MROH1: variants seen among roughly 807,000 people sequenced by gnomAD.
MROH1 encodes the protein maestro heat like repeat family member 1.
In MROH1, 117 loss-of-function variants were observed where a neutral mutation model predicts 116.5. That is an observed-to-expected ratio of 1.00 (90% CI 0.86 to 1.17). The LOEUF (loss-of-function observed/expected upper bound fraction) is 1.17, where lower values mean the gene tolerates loss of function less well. Ranked by LOEUF, MROH1 falls within the 50% of genes most tolerant of loss-of-function variation. The pLI is 0.00. For synonymous variants in MROH1, 921 were observed against 583.9 expected (o/e 1.58, Z -8.32); for missense variants, 1,873 against 1,338.5 (o/e 1.40, Z -6.23).
chr8:144,159,993 TCTC>T lies in MROH1; in HGVS notation c.-176-974_-176-972del, dbSNP rs1819123013. Among the ~76,000 whole-genome samples the T allele has an allele frequency of 4.6e-5, 7 of 152,220 alleles. No individual in the cohort carries two copies. The South Asian group carries it at 1.5e-3, about 32-fold the overall frequency. The stretch of plus-strand genomic sequence containing the variant: ...ACCGTGTTAGCCAGGATGGTCTTGA[TCTC>T]CTGAGCTCATGATCCACCCGCCTCG... On this transcript the variant is annotated intron_variant, in intron 1 of 43. Transcript: ENST00000326134.
chr8:144,250,247 T>G lies in MROH1; in HGVS notation c.3309T>G (p.Leu1103=). ...TCGTGAGCGTCCTGCGCTCCAAGCTTCAGGAGGCCCAGGGAGAGCACGTCC... is the reference window on the plus strand; with the variant it reads ...TCGTGAGCGTCCTGCGCTCCAAGCTGCAGGAGGCCCAGGGAGAGCACGTCC... ...PEIVSVLRSK[L]QEAQGEHVLP... is the part of the protein sequence containing the mutation. Residue 1103 remains leucine, a synonymous_variant, in exon 33 of 44, where the codon CTT becomes CTG. Coordinates refer to ENST00000326134, the MANE Select transcript of MROH1 (RefSeq NM_032450.3). 1.3e-6 allele frequency: 1 copy of G among 768,424 alleles called. No homozygotes were observed. The highest frequency in any genetic ancestry group is 1.7e-5 in the Admixed American group (1 of 58,700). 47.6% of individuals were successfully genotyped at this position (768,424 alleles called of 1,614,324 possible).
chr8:144,187,415 A>G (rs1453508470), intron 7 of MROH1, among the ~76,000 whole-genome samples: 2 of 152,192 alleles, frequency 1.3e-5, no homozygotes, highest in African/African-American at 2.4e-5. Flanking sequence ...GTCTTAAAAA[A>G]AAGAAAAAAA....
chr8:144,247,443 C>T lies in MROH1; in HGVS notation c.3007+7C>T, dbSNP rs1305905511. ...CTCCAGCTCGGCTATGAGGGTGAGC[C>T]CTCGTCAGGAGTGTGGGGGCCAGTG... On this transcript the variant is annotated splice_region_variant and intron_variant, in intron 30 of 43. Transcript: ENST00000326134. 18 of 769,798 alleles carry T rather than the reference C, an allele frequency of 2.3e-5. No homozygotes were observed. Among genetic ancestry groups the T allele is most frequent in the South Asian group, 1.8e-4 (13 of 72,342 alleles). The allele number at this position is 769,798 out of a possible 1,614,324, so 47.7% of individuals were successfully genotyped here.
chr8:144,174,735 G>T (rs924117095), intron 4 of MROH1: 1 of 587,428 alleles, frequency 1.7e-6, no homozygotes. Flanking sequence ...CTCCCACCTT[G>T]GCCTCCCAAA....
At chr8:144,242,760 A>G (rs1357982720) in intron 24 of MROH1, 132 bp downstream of exon 24, 1 of 686,064 alleles carries the variant, frequency 1.5e-6, no homozygotes, top group African/African-American at 1.8e-5. Flanking sequence ...CTCCGTCCCC[A>G]GGAGGCGTTC....
At chr8:144,151,361 T>G (rs1250709746) in intron 1 of MROH1, among the ~76,000 whole-genome samples, 2 of 146,590 alleles carry the variant, frequency 1.4e-5, no homozygotes, top group African/African-American at 5.1e-5. Flanking sequence ...CAACTGGACC[T>G]CGAGGGGAAC....
chr8:144,260,580 G>A (rs994930462), intron 39 of MROH1, 97 bp from the exon 40 acceptor site: 9 of 763,532 alleles, frequency 1.2e-5, no homozygotes, highest in Admixed American at 3.4e-5. Context: ...TTCCTGGCCC[G>A]GGTCAGGCAA....
chr8:144,239,427 C>A (rs1049829712), intron 17 of MROH1, 64 bp downstream of exon 17: 3 of 779,958 alleles, frequency 3.8e-6, no homozygotes, highest in Non-Finnish European at 7.2e-6. Context: ...TCCACCCAGG[C>A]TTGGAAGGGG....
chr8:144,258,479 A>G (rs1435005998), intron 35 of MROH1, among the ~76,000 whole-genome samples: 2 of 152,134 alleles, frequency 1.3e-5, no homozygotes, highest in African/African-American at 4.8e-5. Context: ...CCGGAAAGGA[A>G]GGCCGGTGCA....
chr8:144,261,499 T>C (rs1052333874), intron 43 of MROH1, 150 bp downstream of exon 43: 20 of 691,172 alleles, frequency 2.9e-5, no homozygotes, highest in African/African-American at 2.8e-4. Flanking sequence ...TTCTTAACTG[T>C]TCCAAAAGAG....
chr8:144,185,038 G>A (rs1184182973), intron 7 of MROH1, among the ~76,000 whole-genome samples: 1 of 152,252 alleles, frequency 6.6e-6, no homozygotes, highest in East Asian at 1.9e-4. Context: ...GAGCTGAGGA[G>A]GAGGGGGAGG....
chr8:144,215,152 C>A (rs921280590), intron 12 of MROH1, among the ~76,000 whole-genome samples: 2 of 152,336 alleles, frequency 1.3e-5, no homozygotes, highest in Admixed American at 6.5e-5. Context: ...TACTTTGCAT[C>A]CTTCACTCTA....
chr8:144,157,549 T>G (rs1039758799), intron 1 of MROH1, among the ~76,000 whole-genome samples: 34 of 152,080 alleles, frequency 2.2e-4, no homozygotes, highest in Non-Finnish European at 4.7e-4. Flanking sequence ...ATGGGAAGGT[T>G]TTTTACTATG....
At chr8:144,241,906 T>C (rs1037107026) in intron 22 of MROH1, among the ~76,000 whole-genome samples, 2 of 152,224 alleles carry the variant, frequency 1.3e-5, no homozygotes, top group South Asian at 4.1e-4. Flanking sequence ...CCAACCCGGC[T>C]GTGGTCCCTC....
chr8:144,211,683 G>A (rs1399501019), intron 12 of MROH1, among the ~76,000 whole-genome samples: 6 of 150,414 alleles, frequency 4.0e-5, no homozygotes, highest in African/African-American at 7.3e-5. Flanking sequence ...CCAAGATTGC[G>A]ACACTGCACT....
intron 14 of MROH1, among the ~76,000 whole-genome samples, chr8:144,228,710 C>G (rs1838269375): frequency 6.6e-6 from 1 of 152,228 alleles, no homozygotes; most frequent in Non-Finnish European, 1.5e-5. Context: ...GATCCACCCG[C>G]CTCGGCCTCC....
chr8:144,239,130 G>A lies in MROH1; in HGVS notation c.1542G>A (p.Lys514=), dbSNP rs971123011. ...LCRSLVHLAQ[K]RQEAGADAFL... is the part of the protein sequence containing the mutation. ...GGAGCCTCGTGCATCTGGCGCAGAA[G>A]AGGCAGGAGGCCGGGGCCGACGCCT... The change falls in exon 16 of 44, where the codon AAG becomes AAA. Residue 514 remains lysine (K), a synonymous_variant. Transcript: ENST00000326134. 1 of 772,256 alleles carries A rather than the reference G, an allele frequency of 1.3e-6. No homozygotes were observed. Among genetic ancestry groups the A allele is most frequent in the Non-Finnish European group, 2.4e-6 (1 of 417,588 alleles). The allele number at this position is 772,256 out of a possible 1,614,324, so 47.8% of individuals were successfully genotyped here. A position where few individuals can be genotyped will look rare whatever the true frequency, so the allele number is the denominator to read the frequency against.
intron 7 of MROH1, among the ~76,000 whole-genome samples, chr8:144,181,797 C>T (rs971176195): frequency 7.2e-5 from 11 of 152,040 alleles, no homozygotes; most frequent in East Asian, 1.9e-4. Flanking sequence ...AGAACGGGGC[C>T]GCTGGGGCGC....
At chr8:144,250,428 G>A in intron 33 of MROH1, 62 bp downstream of exon 33, 1 of 713,578 alleles carries the variant, frequency 1.4e-6, no homozygotes, top group South Asian at 1.5e-5. Flanking sequence ...CTGGAATGAT[G>A]CTCCCCGAGC....
Sources: allele counts gnomAD v4.1 joint callset (sites outside exome capture counted in the v4.1 genomes callset), GRCh38; gene constraint gnomAD v4.1.1; transcripts MANE v1.5; gene names NCBI Gene and HGNC (gene_info 2026-07-23, HGNC 2026-07-21).